The following IL27RA variants were observed in gnomAD, a reference collection of about 807,000 sequenced individuals.
IL27RA encodes the protein interleukin-27 receptor subunit alpha.
Under a neutral mutation model 80.8 loss-of-function variants are expected in IL27RA, and 61 were observed. That is an observed-to-expected ratio of 0.76 (90% CI 0.61 to 0.93). The LOEUF is 0.93. Among genes scored for constraint, IL27RA ranks in the 40% least tolerant of loss-of-function variants. The pLI is 0.00. For missense variants in IL27RA, 735 were observed against 808.1 expected, an observed-to-expected ratio of 0.91 and a Z score of 1.10; for synonymous variants, 316 against 332.5, an observed-to-expected ratio of 0.95 and a Z score of 0.54.
chr19:14,050,774 G>C lies in IL27RA; in HGVS notation c.1419G>C (p.Gln473His). The C allele has an allele frequency of 6.2e-7, 1 of 1,612,726 alleles. No homozygotes were observed. The highest frequency in any genetic ancestry group is 8.5e-7 in the Non-Finnish European group (1 of 1,178,994). ...SVCMNVSGNTQSVTLPDLPWG... is the reference protein window; with the variant it reads ...SVCMNVSGNTHSVTLPDLPWG... ...GTTCTCCAGTGAGTGGCAACACACA[G>C]AGTGTCACCCTGCCTGACCTTCCTT... The change falls in exon 11 of 14, where the codon CAG (glutamine) becomes CAC (histidine). Residue 473 changes from glutamine (Q) to histidine (H), a missense_variant. Gln to His is a conservative substitution (Grantham distance 24, BLOSUM62 0). Transcript: ENST00000263379.
chr19:14,032,222 G>T (rs1474611472), intron 1 of IL27RA, among the ~76,000 whole-genome samples, 164 bp from the exon 2 acceptor site: 2 of 152,186 alleles, frequency 1.3e-5, no homozygotes, highest in East Asian at 3.9e-4. Flanking sequence ...GGAAAGGGGG[G>T]GTTTGCACGG....
At chr19:14,035,456 C>T (rs552328362) in intron 2 of IL27RA, among the ~76,000 whole-genome samples, 3 of 151,978 alleles carry the variant, frequency 2.0e-5, no homozygotes, top group South Asian at 2.1e-4. Context: ...AGTGCAATGG[C>T]GCGATCTCGG....
rs1555764845 is a variant in IL27RA at position 14,037,823 on chromosome 19, GCTCT to G, written c.219-1676_219-1673del. ...CTGGCCAACAGAGTGAGACCCTCTC[GCTCT>G]CTCTCTCTTTTTTTTTTTTTTTGAA... On this transcript the variant is annotated intron_variant, in intron 2 of 13. Coordinates refer to ENST00000263379, the MANE Select transcript of IL27RA (RefSeq NM_004843.4). Among the ~76,000 whole-genome samples, 153 of 135,558 alleles carry G rather than the reference GCTCT, an allele frequency of 1.1e-3. 1 individual carries two copies. The highest frequency in any genetic ancestry group is 3.8e-3 in the African/African-American group (141 of 37,436). 88.9% of individuals were successfully genotyped at this position (135,558 alleles called of 152,430 possible). A position where few individuals can be genotyped will look rare whatever the true frequency, so the allele number is the denominator to read the frequency against.
Position 14,031,893 on chromosome 19 carries a change from C to G in IL27RA, c.21C>G (p.Ala7=). The change falls in exon 1 of 14, where the codon GCC becomes GCG. Residue 7 remains alanine, a synonymous_variant. Coordinates refer to ENST00000263379, the MANE Select transcript of IL27RA (RefSeq NM_004843.4). MRGGRG[A]PFWLWPLPKL... The stretch of plus-strand genomic sequence containing the variant: ...ACGCCATGCGGGGAGGCAGGGGCGC[C>G]CCTTTCTGGCTGTGGCCGCTGCCCA... 6.2e-7 allele frequency: 1 copy of G among 1,603,356 alleles called. No individual in the cohort carries two copies.
chr19:14,039,137 A>G (rs1389303663), intron 2 of IL27RA, among the ~76,000 whole-genome samples: 1 of 151,794 alleles, frequency 6.6e-6, no homozygotes, highest in Non-Finnish European at 1.5e-5. Flanking sequence ...ACACAAAAAA[A>G]TTGGCCAGGT....
rs964577904 is a variant in IL27RA, at chr19:14,042,067, C to T, written c.535-386C>T. Among the ~76,000 whole-genome samples, 21 of 152,114 alleles carry T rather than the reference C, an allele frequency of 1.4e-4. 1 individual carries two copies. Among genetic ancestry groups the T allele is most frequent in the Admixed American group, 5.9e-4 (9 of 15,250 alleles). On this transcript the variant is annotated intron_variant, in intron 4 of 13. Coordinates refer to ENST00000263379, the MANE Select transcript of IL27RA (RefSeq NM_004843.4). ...ACAAAAAATTAGCTGGGCATGGTGG[C>T]GCGTGCCTGTAATCCCAGCTACTTG... is the stretch of plus-strand genomic sequence containing the variant.
At chr19:14,038,110 G>A (rs192555301) in intron 2 of IL27RA, among the ~76,000 whole-genome samples, 7 of 151,954 alleles carry the variant, frequency 4.6e-5, no homozygotes, top group African/African-American at 1.7e-4. Flanking sequence ...GATTACAGGC[G>A]TGAGCCACTG....
chr19:14,032,613 A>G (rs1344060283), intron 2 of IL27RA, 110 bp downstream of exon 2: 1 of 456,286 alleles, frequency 2.2e-6, no homozygotes, highest in East Asian at 3.7e-5. Flanking sequence ...ACATGGTGAA[A>G]CCCTGTCTAT....
chr19:14,042,516 A>G lies in IL27RA; in HGVS notation c.598A>G (p.Thr200Ala). ...TGAGATCCAAGATTTGGAGCTAGCC[A>G]CTGGCTACAAAGTGTATGGCCGCTG... ...PVEIQDLELA[T>A]GYKVYGRCRM... The change falls in exon 5 of 14, where the codon ACT (threonine) becomes GCT (alanine). Residue 200 changes from threonine to alanine, a missense_variant. Coordinates refer to ENST00000263379, the MANE Select transcript of IL27RA (RefSeq NM_004843.4). 1 of 1,614,204 alleles carries G rather than the reference A, an allele frequency of 6.2e-7. No homozygotes were observed. Among genetic ancestry groups the G allele is most frequent in the Non-Finnish European group, 8.5e-7 (1 of 1,180,022 alleles).
chr19:14,047,516 C>T (rs1336485155), intron 8 of IL27RA, among the ~76,000 whole-genome samples: 1 of 149,136 alleles, frequency 6.7e-6, no homozygotes, highest in Non-Finnish European at 1.5e-5. Flanking sequence ...ACCGCCATGC[C>T]CAGCTAATTT....
At chr19:14,038,632 T>C (rs1975941185) in intron 2 of IL27RA, among the ~76,000 whole-genome samples, 1 of 149,492 alleles carries the variant, frequency 6.7e-6, no homozygotes. Flanking sequence ...CGCCTGTAAT[T>C]CCAGTACTTT....
At chr19:14,047,791 G>A (rs1474665004) in intron 8 of IL27RA, among the ~76,000 whole-genome samples, 1 of 150,090 alleles carries the variant, frequency 6.7e-6, no homozygotes, top group African/African-American at 2.5e-5. Flanking sequence ...GCAACTGGGA[G>A]TACAGGCGCC....
chr19:14,048,724 C>T (rs79616367), intron 8 of IL27RA, among the ~76,000 whole-genome samples: 2,581 of 152,302 alleles, frequency 0.017, 125 homozygotes, highest in Admixed American at 0.11. Flanking sequence ...GCTGACTCTG[C>T]GATGCCTGCT....
intron 2 of IL27RA, among the ~76,000 whole-genome samples, chr19:14,036,641 T>G (rs1599297164): frequency 6.7e-6 from 1 of 150,152 alleles, no homozygotes; most frequent in African/African-American, 2.4e-5. Flanking sequence ...GGTGCGCATC[T>G]CCACATCTGG....
intron 10 of IL27RA, 73 bp from the exon 11 acceptor site, chr19:14,050,685 G>A: frequency 6.7e-7 from 1 of 1,501,268 alleles, no homozygotes; most frequent in East Asian, 2.3e-5. Flanking sequence ...GTTGCAGACA[G>A]CAGGAAGAGC....
rs1032652282 is a variant in IL27RA at position 14,031,819 on chromosome 19, C to G, written c.-54C>G. 5.5e-6 allele frequency: 8 copies of G among 1,443,114 alleles called. No homozygotes were observed. The African/African-American group carries it at 9.9e-5, about 18-fold the overall frequency. The allele number at this position is 1,443,114 out of a possible 1,614,324, so 89.4% of individuals were successfully genotyped here. A position where few individuals can be genotyped will look rare whatever the true frequency, so the allele number is the denominator to read the frequency against. Reference sequence around the variant, plus strand: ...ACCCAGAGCTCGAAGAGGAGCAGCGCGGCCGCGCGGACCCGGCAAGGCTGG... The same window carrying G: ...ACCCAGAGCTCGAAGAGGAGCAGCGGGGCCGCGCGGACCCGGCAAGGCTGG... On this transcript the variant is annotated 5_prime_UTR_variant, in exon 1 of 14. Coordinates refer to ENST00000263379, the MANE Select transcript of IL27RA (RefSeq NM_004843.4).
intron 2 of IL27RA, among the ~76,000 whole-genome samples, chr19:14,039,246 C>T (rs757267368): frequency 6.7e-6 from 1 of 149,594 alleles, no homozygotes; most frequent in African/African-American, 2.5e-5. Flanking sequence ...AAGATCACGA[C>T]ATTATACTCC....
chr19:14,047,354 TTTTC>T (rs1976083876), intron 8 of IL27RA, among the ~76,000 whole-genome samples: 1 of 131,692 alleles, frequency 7.6e-6, no homozygotes, highest in African/African-American at 3.4e-5. Flanking sequence ...CCAGCCTAAC[TTTTC>T]TTTTTTTTTT....
rs373656518 is a variant in IL27RA at position 14,050,718 on chromosome 19, G to T, written c.1403-40G>T. On this transcript the variant is annotated intron_variant, in intron 10 of 13. Transcript: ENST00000263379. ...AGCACATGCAAAGGCCCTGTGGTAGGCTTGACCACCTCCCCAACTTCTTTG... is the reference window on the plus strand; with the variant it reads ...AGCACATGCAAAGGCCCTGTGGTAGTCTTGACCACCTCCCCAACTTCTTTG... 1.1e-5 allele frequency: 18 copies of T among 1,588,992 alleles called. No homozygotes were observed. The African/African-American group carries it at 1.9e-4, about 17-fold the overall frequency.
Sources: allele counts gnomAD v4.1 joint callset (sites outside exome capture counted in the v4.1 genomes callset), GRCh38; gene constraint gnomAD v4.1.1; transcripts MANE v1.5; gene names NCBI Gene and HGNC (gene_info 2026-07-23, HGNC 2026-07-21).